The following BCAS3 variants were observed in gnomAD, a reference collection of about 807,000 sequenced individuals.
BCAS3 encodes the protein BCAS3 microtubule associated cell migration factor.
A neutral mutation model predicts 116.1 loss-of-function variants in BCAS3; 53 were observed. That is an observed-to-expected ratio of 0.46 (90% confidence interval 0.37 to 0.57). The LOEUF is 0.57. BCAS3 is among the 20% of genes least tolerant of loss of function. BCAS3 has a pLI of 0.00. For synonymous variants in BCAS3, 391 were observed against 408.2 expected (o/e 0.96, Z 0.51); for missense variants, 917 against 1,165.4 (o/e 0.79, Z 3.10).
intron 7 of BCAS3, among the ~76,000 whole-genome samples, chr17:60,850,184 TAA>T (rs981385964): frequency 1.3e-5 from 2 of 152,080 alleles, no homozygotes; most frequent in Non-Finnish European, 2.9e-5. Context: ...TAGTTTATAT[TAA>T]GTTTCACCCC....
chr17:61,317,424 TTTCCCACAC>T (rs2054835089), intron 22 of BCAS3, among the ~76,000 whole-genome samples: 1 of 152,240 alleles, frequency 6.6e-6, no homozygotes, highest in East Asian at 1.9e-4. Context: ...GAAACAAGCC[TTTCCCACAC>T]ACCTGCTTTG....
In BCAS3 at chr17:61,309,631, G is replaced by C. The variant is rs539566095; in HGVS notation, c.2426-58696G>C. ...CTCGAGTATTGCCTCCTTTCCTGAA[G>C]CGTGTTCTCCGTCCCAAGGAAAACA... On this transcript the variant is annotated intron_variant, in intron 22 of 23. Coordinates refer to ENST00000407086, the MANE Select transcript of BCAS3 (RefSeq NM_017679.5). This position sits in a 1 kb window ranked among gnomAD's most constrained non-coding sequence, Gnocchi z 4.6. Among the ~76,000 whole-genome samples the C allele has an allele frequency of 5.3e-5, 8 of 152,274 alleles. No individual in the cohort carries two copies. The highest frequency in any genetic ancestry group is 1.9e-4 in the African/African-American group (8 of 41,542).
rs887187638 is a variant in BCAS3, at chr17:61,095,742, C to T, written c.2425+11178C>T. 5.3e-5 allele frequency among the ~76,000 whole-genome samples: 8 copies of T among 151,882 alleles called. No homozygotes were observed. The highest frequency in any genetic ancestry group is 1.5e-4 in the African/African-American group (6 of 41,354). ...TTGGCTTCCCAAAGTGCTGGGATTACAGGTATTAGCCACCGCACCTGACTG... is the reference window on the plus strand; with the variant it reads ...TTGGCTTCCCAAAGTGCTGGGATTATAGGTATTAGCCACCGCACCTGACTG... On this transcript the variant is annotated intron_variant, in intron 22 of 23. Transcript: ENST00000407086. This position sits in a 1 kb window ranked among gnomAD's most constrained non-coding sequence, Gnocchi z 4.7.
rs928433224 is a variant in BCAS3, at chr17:61,130,625, TTGAA to T, written c.2425+46064_2425+46067del. On this transcript the variant is annotated intron_variant, in intron 22 of 23. Coordinates refer to ENST00000407086, the MANE Select transcript of BCAS3 (RefSeq NM_017679.5). The surrounding 1 kb of genome is among the most constrained non-coding windows in gnomAD (Gnocchi z 5.0). The stretch of plus-strand genomic sequence containing the variant: ...ATTTTACACCAGGAAGTTCAAATGT[TTGAA>T]TGGAGATTTAAAAAGTCTAGCTATG... The T allele has an allele frequency of 1.3e-5, 2 of 152,244 alleles. No individual in the cohort carries two copies. Among genetic ancestry groups the T allele is most frequent in the African/African-American group, 4.8e-5 (2 of 41,458 alleles). 9.4% of individuals were successfully genotyped at this position (152,244 alleles called of 1,614,324 possible).
chr17:61,110,608 G>T (rs1181282125), intron 22 of BCAS3, among the ~76,000 whole-genome samples: 2 of 150,956 alleles, frequency 1.3e-5, no homozygotes, highest in Admixed American at 1.3e-4. Context: ...ACGGAGTCTC[G>T]CTGATTGCTA....
chr17:61,231,122 C>T (rs558335061), intron 22 of BCAS3, among the ~76,000 whole-genome samples: 11 of 152,018 alleles, frequency 7.2e-5, no homozygotes, highest in East Asian at 1.9e-4. Context: ...TAATAATAGC[C>T]GTTCTGACTG....
chr17:61,306,557 G>A (rs1010780218), intron 22 of BCAS3, among the ~76,000 whole-genome samples: 7 of 152,148 alleles, frequency 4.6e-5, no homozygotes, highest in Admixed American at 1.3e-4. Context: ...TGGGAGGATC[G>A]CATTAATGCA....
intron 22 of BCAS3, among the ~76,000 whole-genome samples, chr17:61,190,633 A>G (rs2080051697): frequency 6.6e-6 from 1 of 150,802 alleles, no homozygotes; most frequent in Non-Finnish European, 1.5e-5. Flanking sequence ...TTGAGATGGA[A>G]TTTTGCTCTT....
intron 16 of BCAS3, among the ~76,000 whole-genome samples, chr17:61,024,061 A>G (rs1041099188): frequency 6.6e-6 from 1 of 152,110 alleles, no homozygotes; most frequent in Non-Finnish European, 1.5e-5. Context: ...TTAATACGAA[A>G]CTATAGCTGT....
intron 22 of BCAS3, among the ~76,000 whole-genome samples, chr17:61,305,239 A>G (rs941930576): frequency 4.6e-5 from 7 of 152,204 alleles, no homozygotes; most frequent in African/African-American, 1.7e-4. Context: ...ATAGTCAATC[A>G]GCCAAACCTC....
At position 61,368,240 on chromosome 17, in the gene BCAS3, A is replaced by T; in HGVS notation, c.2426-87A>T. 1 of 1,383,840 alleles carries T rather than the reference A, an allele frequency of 7.2e-7. No individual in the cohort carries two copies. Among genetic ancestry groups the T allele is most frequent in the Non-Finnish European group, 9.9e-7 (1 of 1,013,646 alleles). The allele number at this position is 1,383,840 out of a possible 1,614,324, so 85.7% of individuals were successfully genotyped here. A position where few individuals can be genotyped will look rare whatever the true frequency, so the allele number is the denominator to read the frequency against. Reference sequence around the variant, plus strand: ...AGGAAGGCTACAATGGACCCTGGGTATGGAGAGGAGCGGGTGGGAGGTAGA... The same window carrying T: ...AGGAAGGCTACAATGGACCCTGGGTTTGGAGAGGAGCGGGTGGGAGGTAGA... On this transcript the variant is annotated intron_variant, in intron 22 of 23. Transcript: ENST00000407086. This position sits in a 1 kb window ranked among gnomAD's most constrained non-coding sequence, Gnocchi z 6.0.
intron 19 of BCAS3, among the ~76,000 whole-genome samples, chr17:61,060,601 G>A (rs1301498066): frequency 6.6e-6 from 1 of 152,164 alleles, no homozygotes; most frequent in Non-Finnish European, 1.5e-5. Context: ...ATGACTCTCT[G>A]TCAGTCTGCA....
At chr17:61,305,712 A>T (rs921841298) in intron 22 of BCAS3, among the ~76,000 whole-genome samples, 1 of 152,164 alleles carries the variant, frequency 6.6e-6, no homozygotes, top group African/African-American at 2.4e-5. Context: ...CCTGGGCAAC[A>T]TGGTGAAACC....
At chr17:60,840,044 T>TA (rs571860880) in intron 7 of BCAS3, among the ~76,000 whole-genome samples, 165 of 146,584 alleles carry the variant, frequency 1.1e-3, no homozygotes, top group Middle Eastern at 3.4e-3. Flanking sequence ...TGTATTGCAT[T>TA]AAAAAAAAAA....
At chr17:60,917,583 T>C (rs567934248) in intron 12 of BCAS3, among the ~76,000 whole-genome samples, 1 of 151,166 alleles carries the variant, frequency 6.6e-6, no homozygotes, top group South Asian at 2.1e-4. Context: ...GGCTTACTTC[T>C]ACCTTTTGCC....
intron 3 of BCAS3, among the ~76,000 whole-genome samples, chr17:60,687,507 C>T (rs992990841): frequency 1.8e-4 from 28 of 152,140 alleles, no homozygotes; most frequent in Admixed American, 2.6e-4. Flanking sequence ...GGGAGGCTGA[C>T]ATGGGTGGAC....
intron 22 of BCAS3, among the ~76,000 whole-genome samples, chr17:61,293,297 G>A (rs1254959434): frequency 6.6e-6 from 1 of 152,094 alleles, no homozygotes; most frequent in Admixed American, 6.6e-5. Context: ...CGTGCAGGTT[G>A]GAAATCTCAC....
chr17:61,181,734 A>G lies in BCAS3; in HGVS notation c.2425+97170A>G, dbSNP rs1178501602. Among the ~76,000 whole-genome samples, 1 of 152,178 alleles carries G rather than the reference A, an allele frequency of 6.6e-6. No individual in the cohort carries two copies. The highest frequency in any genetic ancestry group is 2.4e-5 in the African/African-American group (1 of 41,438). ...TAAAATCAAAATAAATAGAAGCTCC[A>G]CCATGATTTTTTTCATTGTCTGCTG... On this transcript the variant is annotated intron_variant, in intron 22 of 23. Coordinates refer to ENST00000407086, the MANE Select transcript of BCAS3 (RefSeq NM_017679.5). The surrounding 1 kb of genome is among the most constrained non-coding windows in gnomAD (Gnocchi z 5.0).
At chr17:60,692,399 G>A (rs926575030) in intron 4 of BCAS3, among the ~76,000 whole-genome samples, 2 of 151,968 alleles carry the variant, frequency 1.3e-5, no homozygotes, top group African/African-American at 2.4e-5. Flanking sequence ...CCGCCACCAT[G>A]CCCGACTAAT....
Sources: gnomAD v4.1 joint callset for allele counts (sites outside exome capture counted in the v4.1 genomes callset) on GRCh38, gnomAD v4.1.1 for gene constraint, Gnocchi (gnomAD v3.1) non-coding constraint, MANE v1.5 for transcripts, NCBI Gene and HGNC (gene_info 2026-07-23, HGNC 2026-07-21) for gene names.